PAXBP1: variants seen among roughly 807,000 people sequenced by gnomAD.
The protein encoded by PAXBP1 is PAX3 and PAX7 binding protein 1, also known as PAX3- and PAX7-binding protein 1.
Under a neutral mutation model 119.9 loss-of-function variants are expected in PAXBP1, and 44 were observed. That is an observed-to-expected ratio of 0.37 (90% CI 0.29 to 0.47). The LOEUF (loss-of-function observed/expected upper bound fraction) is 0.47. Among genes scored for constraint, PAXBP1 ranks in the 20% least tolerant of loss-of-function variants. PAXBP1 has a pLI of 0.99. For missense variants in PAXBP1, 898 were observed against 1,134.1 expected (o/e 0.79, Z 2.99); for synonymous variants, 393 against 406.6 (o/e 0.97, Z 0.40).
At chr21:32,765,937 C>T (rs2044234336) in intron 2 of PAXBP1, among the ~76,000 whole-genome samples, 1 of 152,098 alleles carries the variant, frequency 6.6e-6, no homozygotes, top group African/African-American at 2.4e-5. Context: ...GAGTTCAAGA[C>T]CAGCCAGGCC....
intron 8 of PAXBP1, chr21:32,751,955 A>G (rs2043964219): frequency 6.6e-6 from 1 of 152,228 alleles, no homozygotes; most frequent in African/African-American, 2.4e-5. Context: ...TGTTCTTACA[A>G]TATTCCTCTT....
chr21:32,741,641 G>A (rs963526928), intron 15 of PAXBP1: 2 of 703,866 alleles, frequency 2.8e-6, no homozygotes, highest in Non-Finnish European at 2.6e-6. Context: ...AAACAAGGTA[G>A]GTCAGATGTT....
chr21:32,755,558 G>A, intron 7 of PAXBP1: 1 of 446,472 alleles, frequency 2.2e-6, no homozygotes, highest in Non-Finnish European at 3.8e-6. Flanking sequence ...GAGCTATAAT[G>A]TCCAGTGCCT....
chr21:32,759,834 G>A lies in PAXBP1; in HGVS notation c.1136C>T (p.Pro379Leu). Residue 379 changes from proline to leucine, a missense_variant, in exon 6 of 18, where the codon CCC becomes CTC. Around this residue, in one of 2 missense-constraint regions of PAXBP1, gnomAD observed 599 missense variants for 852.7 expected, o/e 0.70. Coordinates refer to ENST00000331923, the MANE Select transcript of PAXBP1 (RefSeq NM_016631.4). ...AGTAACGGGAGTCATCTCATTACTG[G>A]GAGTTTTGAAAGGGACTGTATTATC... is the stretch of plus-strand genomic sequence containing the variant. Reference protein sequence around the residue: ...KTDNTVPFKTPSNEMTPVTID... With the variant: ...KTDNTVPFKTLSNEMTPVTID... 6.2e-7 allele frequency: 1 copy of A among 1,614,080 alleles called. No individual in the cohort carries two copies. The highest frequency in any genetic ancestry group is 2.2e-5 in the East Asian group (1 of 44,878).
chr21:32,762,369 T>A (rs2044164709), intron 3 of PAXBP1, 52 bp from the exon 4 acceptor site: 5 of 1,548,090 alleles, frequency 3.2e-6, no homozygotes, highest in Non-Finnish European at 4.4e-6. Context: ...AAGTTTCTAT[T>A]TTCTTGAAAA....
At chr21:32,750,589 G>A (rs1162122812) in intron 10 of PAXBP1, among the ~76,000 whole-genome samples, 1 of 152,174 alleles carries the variant, frequency 6.6e-6, no homozygotes, top group African/African-American at 2.4e-5. Flanking sequence ...CTACTGCCAA[G>A]CTTTACCTTT....
chr21:32,743,447 T>A (rs2043819974), intron 14 of PAXBP1, 133 bp from the exon 15 acceptor site: 1 of 712,166 alleles, frequency 1.4e-6, no homozygotes. Flanking sequence ...AATTGCATTC[T>A]GGAAGATAGT....
intron 10 of PAXBP1, among the ~76,000 whole-genome samples, chr21:32,750,175 C>T (rs1454232900): frequency 6.6e-6 from 1 of 152,144 alleles, no homozygotes; most frequent in African/African-American, 2.4e-5. Context: ...AGAGGAAACA[C>T]ACTCTGAAAT....
chr21:32,735,216 A>G (rs1490649852), intron 17 of PAXBP1, 149 bp from the exon 18 acceptor site: 1 of 603,874 alleles, frequency 1.7e-6, no homozygotes, highest in African/African-American at 1.9e-5. Flanking sequence ...AAGCTACAGC[A>G]TGTTAAAAAA....
Position 32,744,788 on chromosome 21 carries a change from T to C in PAXBP1, c.2190+4A>G, listed in dbSNP as rs2146477990. 6.4e-7 allele frequency: 1 copy of C among 1,565,982 alleles called. No homozygotes were observed. The highest frequency in any genetic ancestry group is 2.3e-5 in the East Asian group (1 of 43,636). On this transcript the variant is annotated splice_donor_region_variant and intron_variant, in intron 13 of 17. Transcript: ENST00000331923. ...AAAAAAGGCTTCAAAAGATACTAAA[T>C]TACCTGTGTATTTTTATTTTCTGCA...
intron 8 of PAXBP1, among the ~76,000 whole-genome samples, chr21:32,752,380 A>C (rs1377030922): frequency 6.7e-6 from 1 of 149,102 alleles, no homozygotes; most frequent in African/African-American, 2.5e-5. Context: ...TACTTCCCTC[A>C]TTTCTACGTT....
In PAXBP1 at chr21:32,759,885, G is replaced by A; in HGVS notation, c.1085C>T (p.Ser362Leu). 6.2e-7 allele frequency: 1 copy of A among 1,613,496 alleles called. No homozygotes were observed. ...TGTTTTTTGAGATTTGGCATCTGAT[G>A]ATCCATAGGCCGTATAACTATAAGG... ...GIPYSYTAYG[S>L]SDAKSQKTDN... Residue 362 changes from serine to leucine, a missense_variant, in exon 6 of 18, where the codon TCA becomes TTA. By Grantham distance (145) the Ser-to-Leu change is moderately radical. Coordinates refer to ENST00000331923, the MANE Select transcript of PAXBP1 (RefSeq NM_016631.4).
intron 2 of PAXBP1, among the ~76,000 whole-genome samples, chr21:32,767,830 C>A (rs1229086869): frequency 2.0e-5 from 3 of 152,188 alleles, no homozygotes; most frequent in Admixed American, 6.5e-5. Context: ...AGCATGAAAA[C>A]AGACTTAATA....
rs1381242583 is a variant in PAXBP1 at position 32,751,224 on chromosome 21, A to T, written c.1508-6T>A. 1.2e-6 allele frequency: 2 copies of T among 1,613,270 alleles called. No individual in the cohort carries two copies. The highest frequency in any genetic ancestry group is 1.7e-6 in the Non-Finnish European group (2 of 1,179,260). On this transcript the variant is annotated splice_region_variant and splice_polypyrimidine_tract_variant and intron_variant, in intron 8 of 17. Coordinates refer to ENST00000331923, the MANE Select transcript of PAXBP1 (RefSeq NM_016631.4). ...TGGTGCCATCAGAGCTTTGTCTGCA[A>T]AACAACAACAGTTAAAATTAAAAGC...
intron 11 of PAXBP1, among the ~76,000 whole-genome samples, chr21:32,746,951 T>G (rs980408606): frequency 6.6e-6 from 1 of 151,948 alleles, no homozygotes; most frequent in Non-Finnish European, 1.5e-5. Context: ...TGGATGGAGC[T>G]AGAAGCCATT....
At chr21:32,744,260 T>TAAAAAAAAAAA (rs762993580) in intron 13 of PAXBP1, among the ~76,000 whole-genome samples, 1 of 57,584 alleles carries the variant, frequency 1.7e-5, no homozygotes. Flanking sequence ...GCTGATGAGC[T>TAAAAAAAAAAA]AAAAAAAAAA....
rs1307996484 is a variant in PAXBP1, at chr21:32,738,452, T to G, written c.2335-133A>C. ...AAAGTACTAAGAAATATTAATACTT[T>G]CAAAGGTACAGATATTTCCTAGAAT... is the stretch of plus-strand genomic sequence containing the variant. On this transcript the variant is annotated intron_variant, in intron 15 of 17. Transcript: ENST00000331923. 4 of 695,944 alleles carry G rather than the reference T, an allele frequency of 5.7e-6. No homozygotes were observed. In the African/African-American group the frequency reaches 7.5e-5, roughly 13 times the overall value. 43.1% of individuals were successfully genotyped at this position (695,944 alleles called of 1,614,324 possible).
At chr21:32,769,976 C>G (rs762434448) in intron 1 of PAXBP1, 34 bp from the exon 2 acceptor site, 5 of 1,444,942 alleles carry the variant, frequency 3.5e-6, no homozygotes, top group African/African-American at 1.4e-5. Flanking sequence ...TCTGTAGCAA[C>G]TATTTTCTGA....
At chr21:32,741,539 C>T (rs756148151) in intron 15 of PAXBP1, 2 of 778,050 alleles carry the variant, frequency 2.6e-6, no homozygotes, top group East Asian at 4.9e-5. Flanking sequence ...GCCTGTCCGT[C>T]CAGATTCTTC....
Sources: allele counts gnomAD v4.1 joint callset (sites outside exome capture counted in the v4.1 genomes callset), GRCh38; gene constraint gnomAD v4.1.1; regional missense constraint gnomAD v4.1.1; transcripts MANE v1.5; gene names NCBI Gene and HGNC (gene_info 2026-07-23, HGNC 2026-07-21).